The following ENTPD5 variants were observed in gnomAD, a reference collection of about 807,000 sequenced individuals.
ENTPD5 encodes nucleoside diphosphate phosphatase ENTPD5.
In ENTPD5, 49 loss-of-function variants were observed where a neutral mutation model predicts 60.2. The ratio of observed to expected loss-of-function variants is 0.81; its 90% confidence interval spans 0.65 to 1.03. ENTPD5 has a LOEUF of 1.03. ENTPD5 is among the 50% of genes least tolerant of loss of function. The pLI is 0.00. For missense variants in ENTPD5, 480 were observed against 507.6 expected, an observed-to-expected ratio of 0.95 and a Z score of 0.52; for synonymous variants, 187 against 185.4, an observed-to-expected ratio of 1.01 and a Z score of -0.07.
At chr14:74,007,891 T>A (rs904851837) in intron 3 of ENTPD5, 1 of 146,706 alleles carries the variant, frequency 6.8e-6, no homozygotes, top group South Asian at 2.2e-4. Flanking sequence ...AGTGCACTGG[T>A]GTGATCTTGG....
At chr14:74,013,600 G>A (rs2058913852) in intron 2 of ENTPD5, among the ~76,000 whole-genome samples, 1 of 151,858 alleles carries the variant, frequency 6.6e-6, no homozygotes. Flanking sequence ...CCAAAAGATT[G>A]AACACCCCTG....
intron 3 of ENTPD5, chr14:74,009,102 A>G (rs2058766663): frequency 6.6e-6 from 1 of 152,220 alleles, no homozygotes; most frequent in African/African-American, 2.4e-5. Context: ...TTGCTACAAT[A>G]ATCACTTGGA....
At position 73,973,033 on chromosome 14, in the gene ENTPD5, C is replaced by A. The variant is rs780875463; in HGVS notation, c.887-9G>T. ...CTCAAAGCCCACCTCCCCTGCCAGG[C>A]AAAGGTGCACAGGGGTAAGGTGAGA... On this transcript the variant is annotated splice_polypyrimidine_tract_variant and intron_variant, in intron 12 of 15. Transcript: ENST00000334696. 1.9e-6 allele frequency: 3 copies of A among 1,613,836 alleles called. No individual in the cohort carries two copies. In the East Asian group the frequency reaches 6.7e-5, roughly 36 times the overall value.
At chr14:73,993,100 G>A (rs2140702576) in intron 3 of ENTPD5, among the ~76,000 whole-genome samples, 1 of 152,258 alleles carries the variant, frequency 6.6e-6, no homozygotes, top group Middle Eastern at 3.4e-3. Context: ...AGTTCGACAG[G>A]CCAAGGTGAG....
In ENTPD5 at chr14:73,986,855, C is replaced by A. The variant is rs758421325; in HGVS notation, c.256G>T (p.Val86Leu). The change falls in exon 5 of 16, where the codon GTG (valine) becomes TTG (leucine). Residue 86 changes from valine (V) to leucine (L), a missense_variant. By Grantham distance (32) the Val-to-Leu change is conservative. Coordinates refer to ENST00000334696, the MANE Select transcript of ENTPD5 (RefSeq NM_001249.5). ...PILEGEVFDS[V>L]KPGLSAFVDQ... ...ACAAAAGCAGAAAGTCCTGGCTTCA[C>A]AGAATCAAAAACTTCCCCTTCTAGA... is the stretch of plus-strand genomic sequence containing the variant. The A allele has an allele frequency of 3.7e-6, 6 of 1,613,988 alleles. No homozygotes were observed. The African/African-American group carries it at 5.3e-5, about 14-fold the overall frequency.
chr14:73,985,486 T>C (rs1029205546), intron 5 of ENTPD5, among the ~76,000 whole-genome samples: 4 of 152,228 alleles, frequency 2.6e-5, no homozygotes, highest in African/African-American at 9.6e-5. Context: ...ATTTCTCTGA[T>C]GGCCAGTGAT....
At chr14:73,999,983 G>A (rs2058457364) in intron 3 of ENTPD5, among the ~76,000 whole-genome samples, 1 of 151,532 alleles carries the variant, frequency 6.6e-6, no homozygotes, top group African/African-American at 2.4e-5. Context: ...AGCTATTCAG[G>A]GGTCTGAGGC....
chr14:73,988,830 T>C (rs1023815140), intron 3 of ENTPD5, among the ~76,000 whole-genome samples: 9 of 152,240 alleles, frequency 5.9e-5, no homozygotes, highest in East Asian at 5.8e-4. Flanking sequence ...TTTTTTTTAT[T>C]TTATTTTTTT....
At chr14:73,985,965 G>A (rs770856218) in intron 5 of ENTPD5, among the ~76,000 whole-genome samples, 1 of 151,464 alleles carries the variant, frequency 6.6e-6, no homozygotes, top group South Asian at 2.1e-4. Context: ...CCAGCTACTC[G>A]GGAGGCTGAG....
At chr14:74,018,888 G>A (rs925098566) in intron 1 of ENTPD5, 3 of 152,568 alleles carry the variant, frequency 2.0e-5, no homozygotes, top group Non-Finnish European at 2.9e-5. Context: ...GAATCAGCAA[G>A]GGTGAAAAGC....
At chr14:73,969,719 A>T (rs1243851425) in intron 15 of ENTPD5, among the ~76,000 whole-genome samples, 1 of 151,372 alleles carries the variant, frequency 6.6e-6, no homozygotes, top group Non-Finnish European at 1.5e-5. Context: ...AAATAATAAT[A>T]AATAAATAAA....
intron 10 of ENTPD5, among the ~76,000 whole-genome samples, chr14:73,975,451 C>T (rs995445568): frequency 1.4e-5 from 2 of 146,164 alleles, no homozygotes; most frequent in Non-Finnish European, 3.0e-5. Context: ...GTCGCTCCGG[C>T]TGAAGTGCAG....
At chr14:74,012,583 C>A (rs370932101) in intron 2 of ENTPD5, among the ~76,000 whole-genome samples, 27 of 152,290 alleles carry the variant, frequency 1.8e-4, no homozygotes, top group Middle Eastern at 3.4e-3. Flanking sequence ...CACCTACAGG[C>A]ACCAGGCAGG....
intron 15 of ENTPD5, among the ~76,000 whole-genome samples, chr14:73,968,624 C>T (rs2057086668): frequency 6.6e-6 from 1 of 151,998 alleles, no homozygotes; most frequent in African/African-American, 2.4e-5. Flanking sequence ...CGGGGTTTCA[C>T]CATGTTGGCT....
In ENTPD5 at chr14:73,986,318, C is replaced by T. The variant is rs2057902732; in HGVS notation, c.297+496G>A. The T allele has an allele frequency of 3.2e-5, 5 of 154,346 alleles. No homozygotes were observed. In the South Asian group the frequency reaches 9.9e-4, roughly 31 times the overall value. The allele number at this position is 154,346 out of a possible 1,614,324, so 9.6% of individuals were successfully genotyped here. Reference sequence around the variant, plus strand: ...ATGCTCAAATGTGAAATATAGTCGCCACAAACTCTCTATTCATCTTCTACC... The same window carrying T: ...ATGCTCAAATGTGAAATATAGTCGCTACAAACTCTCTATTCATCTTCTACC... On this transcript the variant is annotated intron_variant, in intron 5 of 15. Transcript: ENST00000334696.
intron 1 of ENTPD5, among the ~76,000 whole-genome samples, chr14:74,016,635 A>G (rs1470575005): frequency 6.6e-6 from 1 of 152,160 alleles, no homozygotes; most frequent in Non-Finnish European, 1.5e-5. Context: ...CCCTATCTCA[A>G]AAAAACCATC....
intron 3 of ENTPD5, among the ~76,000 whole-genome samples, chr14:74,005,512 A>T (rs930604803): frequency 5.3e-5 from 8 of 152,052 alleles, no homozygotes; most frequent in Admixed American, 3.9e-4. Context: ...ATTAACTCTT[A>T]AAAATGAACA....
chr14:74,000,489 T>C (rs185525095), intron 3 of ENTPD5, among the ~76,000 whole-genome samples: 2 of 148,958 alleles, frequency 1.3e-5, no homozygotes, highest in Admixed American at 1.3e-4. Flanking sequence ...TAAGCATATA[T>C]AAAAGAAATG....
At chr14:73,998,470 A>G (rs1388363395) in intron 3 of ENTPD5, among the ~76,000 whole-genome samples, 1 of 152,182 alleles carries the variant, frequency 6.6e-6, no homozygotes, top group Non-Finnish European at 1.5e-5. Context: ...AGTAACCGAC[A>G]GTGACAGCCA....
Sources: gnomAD v4.1 joint callset for allele counts (sites outside exome capture counted in the v4.1 genomes callset) on GRCh38, gnomAD v4.1.1 for gene constraint, MANE v1.5 for transcripts, NCBI Gene and HGNC (gene_info 2026-07-23, HGNC 2026-07-21) for gene names.